Variants in ANKRD12 observed in about 807,000 individuals in gnomAD.
ANKRD12 encodes ankyrin repeat domain-containing protein 12.
A neutral mutation model predicts 183.4 loss-of-function variants in ANKRD12; 85 were observed. The ratio of observed to expected loss-of-function variants is 0.46; its 90% CI spans 0.39 to 0.56. The LOEUF (loss-of-function observed/expected upper bound fraction) is 0.56, where lower values mean the gene tolerates loss of function less well. Among genes scored for constraint, ANKRD12 ranks in the 20% least tolerant of loss-of-function variants. ANKRD12 has a pLI of 0.00. For missense variants in ANKRD12, 2,405 were observed against 2,357.1 expected (o/e 1.02, Z -0.42); for synonymous variants, 914 against 800.2 (o/e 1.14, Z -2.40).
At chr18:9,203,604 T>TA (rs1272043766) in intron 3 of ANKRD12, among the ~76,000 whole-genome samples, 202 of 150,308 alleles carry the variant, frequency 1.3e-3, no homozygotes, top group African/African-American at 4.8e-3. Flanking sequence ...TGTATATATA[T>TA]TATTATTATT....
chr18:9,143,436 A>G (rs377137908), intron 1 of ANKRD12, among the ~76,000 whole-genome samples: 3 of 152,274 alleles, frequency 2.0e-5, no homozygotes, highest in South Asian at 2.1e-4. Flanking sequence ...TTGTAAAAAC[A>G]TCTCAGGAGT....
At chr18:9,216,385 A>T (rs1353119114) in intron 6 of ANKRD12, among the ~76,000 whole-genome samples, 1 of 152,198 alleles carries the variant, frequency 6.6e-6, no homozygotes, top group Admixed American at 6.5e-5. Flanking sequence ...CTTTATTGTA[A>T]GAGTACAGTA....
rs539364248 is a variant in ANKRD12, at chr18:9,223,373, C to T, written c.943+1374C>T. On this transcript the variant is annotated intron_variant, in intron 8 of 12. Coordinates refer to ENST00000262126, the MANE Select transcript of ANKRD12 (RefSeq NM_015208.5). Reference sequence around the variant, plus strand: ...GGTTCATGCCATTCTCCTGCCTCAGCCTCCCCCGAGTAGCTGGGACTACAG... The same window carrying T: ...GGTTCATGCCATTCTCCTGCCTCAGTCTCCCCCGAGTAGCTGGGACTACAG... Among the ~76,000 whole-genome samples the T allele has an allele frequency of 6.6e-5, 10 of 151,988 alleles. No homozygotes were observed. The East Asian group carries it at 1.7e-3, about 26-fold the overall frequency.
rs113078133 is a variant in ANKRD12 at position 9,258,137 on chromosome 18, A to G, written c.4870A>G (p.Thr1624Ala). 1.4e-5 allele frequency: 22 copies of G among 1,613,600 alleles called. No individual in the cohort carries two copies. Among genetic ancestry groups the G allele is most frequent in the Non-Finnish European group, 1.7e-5 (20 of 1,179,990 alleles). Residue 1624 changes from threonine to alanine, a missense_variant, in exon 9 of 13, where the codon ACT becomes GCT. Physicochemically the swap from Thr to Ala is moderately conservative, Grantham distance 58 (BLOSUM62 0). Transcript: ENST00000262126. ...SSGHEVENST[T>A]DTQVISHEKE... ...TGGCCATGAAGTTGAGAATAGCACAACTGATACTCAGGTCATTTCACATGA... is the reference window on the plus strand; with the variant it reads ...TGGCCATGAAGTTGAGAATAGCACAGCTGATACTCAGGTCATTTCACATGA...
chr18:9,250,633 C>T (rs1479091530), intron 8 of ANKRD12, among the ~76,000 whole-genome samples: 2 of 152,092 alleles, frequency 1.3e-5, no homozygotes, highest in Non-Finnish European at 2.9e-5. Flanking sequence ...GCAGAAAGAT[C>T]GTTTGAGCCC....
At chr18:9,182,346 ATAT>A in intron 1 of ANKRD12, 33 bp from the exon 2 acceptor site, 1 of 323,418 alleles carries the variant, frequency 3.1e-6, no homozygotes, top group Non-Finnish European at 5.2e-6. Flanking sequence ...TATTGTATAT[ATAT>A]TCAAATAACC....
intron 1 of ANKRD12, among the ~76,000 whole-genome samples, chr18:9,153,302 T>C (rs1227276470): frequency 6.6e-6 from 1 of 152,232 alleles, no homozygotes; most frequent in Non-Finnish European, 1.5e-5. Flanking sequence ...ATGATTTTGG[T>C]TTTAAATAGT....
chr18:9,147,741 C>A (rs375091989), intron 1 of ANKRD12, among the ~76,000 whole-genome samples: 1 of 152,050 alleles, frequency 6.6e-6, no homozygotes, highest in Non-Finnish European at 1.5e-5. Flanking sequence ...GTATGCAGAA[C>A]AAAACTAATA....
At chr18:9,249,537 A>G (rs1004704026) in intron 8 of ANKRD12, 5 of 152,232 alleles carry the variant, frequency 3.3e-5, no homozygotes, top group Non-Finnish European at 7.3e-5. Flanking sequence ...AACCACTTCA[A>G]ATAAACATAA....
Position 9,216,390 on chromosome 18 carries a change from A to G in ANKRD12, c.653-368A>G, listed in dbSNP as rs183741577. Among the ~76,000 whole-genome samples the G allele has an allele frequency of 8.9e-4, 136 of 152,334 alleles. 1 individual carries two copies. Among genetic ancestry groups the G allele is most frequent in the African/African-American group, 3.1e-3 (130 of 41,588 alleles). The stretch of plus-strand genomic sequence containing the variant: ...TTTTCTCTAGCTTTATTGTAAGAGT[A>G]CAGTATATAATACATACACAAAGTA... On this transcript the variant is annotated intron_variant, in intron 6 of 12. Coordinates refer to ENST00000262126, the MANE Select transcript of ANKRD12 (RefSeq NM_015208.5).
chr18:9,197,622 G>A (rs764952879), intron 3 of ANKRD12, among the ~76,000 whole-genome samples: 12 of 151,914 alleles, frequency 7.9e-5, no homozygotes, highest in African/African-American at 1.5e-4. Flanking sequence ...GAGATGACGT[G>A]TTATATTATT....
At chr18:9,239,057 C>G (rs1387386312) in intron 8 of ANKRD12, among the ~76,000 whole-genome samples, 1 of 152,044 alleles carries the variant, frequency 6.6e-6, no homozygotes, top group Non-Finnish European at 1.5e-5. Flanking sequence ...CCTGGGAGGT[C>G]GAGGCTGCCA....
chr18:9,184,560 A>T (rs1261746197), intron 2 of ANKRD12, among the ~76,000 whole-genome samples: 3 of 152,028 alleles, frequency 2.0e-5, no homozygotes, highest in Non-Finnish European at 4.4e-5. Context: ...GCCCAGAGAT[A>T]GGGTTTCATC....
chr18:9,256,372 T>G lies in ANKRD12; in HGVS notation c.3105T>G (p.Asp1035Glu), dbSNP rs776365019. 1 of 1,602,000 alleles carries G rather than the reference T, an allele frequency of 6.2e-7. No individual in the cohort carries two copies. Among genetic ancestry groups the G allele is most frequent in the Non-Finnish European group, 8.5e-7 (1 of 1,175,570 alleles). Residue 1035 changes from aspartate (D) to glutamate (E), a missense_variant, in exon 9 of 13, where the codon GAT (aspartate) becomes GAG (glutamate). Coordinates refer to ENST00000262126, the MANE Select transcript of ANKRD12 (RefSeq NM_015208.5). ...DRYKERDKHK[D>E]KIQINSLLKL... ...ACAAAGAACGAGACAAACATAAAGA[T>G]AAAATTCAAATAAATAGCTTACTCA...
intron 3 of ANKRD12, among the ~76,000 whole-genome samples, chr18:9,199,120 C>T (rs1006732305): frequency 2.0e-5 from 3 of 151,972 alleles, no homozygotes; most frequent in Non-Finnish European, 2.9e-5. Context: ...GAGTGAGACC[C>T]TATATCTATA....
intron 1 of ANKRD12, among the ~76,000 whole-genome samples, chr18:9,145,308 A>G (rs1371714833): frequency 6.6e-6 from 1 of 152,158 alleles, no homozygotes; most frequent in African/African-American, 2.4e-5. Context: ...TGAAGTTTTA[A>G]ACATTTACAT....
chr18:9,168,157 A>G (rs1441647088), intron 1 of ANKRD12, among the ~76,000 whole-genome samples: 1 of 152,206 alleles, frequency 6.6e-6, no homozygotes, highest in African/African-American at 2.4e-5. Flanking sequence ...AGTGTTCATC[A>G]AAGATATTGG....
At chr18:9,196,624 C>T (rs192238585) in intron 3 of ANKRD12, among the ~76,000 whole-genome samples, 2 of 152,294 alleles carry the variant, frequency 1.3e-5, no homozygotes, top group Admixed American at 1.3e-4. Context: ...ATTTTTGAAA[C>T]ATTCTATGCT....
intron 1 of ANKRD12, among the ~76,000 whole-genome samples, chr18:9,158,349 C>G (rs559725570): frequency 4.9e-4 from 74 of 152,170 alleles, no homozygotes; most frequent in Non-Finnish European, 1.0e-3. Context: ...GTTCCAAGGT[C>G]CCATCCAGGA....
Sources: gnomAD v4.1 joint callset for allele counts (sites outside exome capture counted in the v4.1 genomes callset) on GRCh38, gnomAD v4.1.1 for gene constraint, MANE v1.5 for transcripts, NCBI Gene and HGNC (gene_info 2026-07-23, HGNC 2026-07-21) for gene names.